The following GPM6A variants were observed in gnomAD, a reference collection of about 807,000 sequenced individuals.
GPM6A encodes glycoprotein M6A.
GPM6A carries 7 observed loss-of-function variants against 32.1 expected under a neutral mutation model. The ratio of observed to expected loss-of-function variants is 0.22; its 90% CI spans 0.12 to 0.41. The LOEUF is 0.41. Ranked by LOEUF, GPM6A falls within the 10% of genes least tolerant of loss-of-function variation. GPM6A has a pLI of 1.00. For synonymous variants in GPM6A, 130 were observed against 123.4 expected, an observed-to-expected ratio of 1.05 and a Z score of -0.35; for missense variants, 235 against 347.2, an observed-to-expected ratio of 0.68 and a Z score of 2.57.
intron 1 of GPM6A, chr4:175,807,565 A>G (rs1734743078): frequency 6.6e-6 from 1 of 152,246 alleles, no homozygotes; most frequent in Admixed American, 6.5e-5. Context: ...CCCCGTTCTC[A>G]AGAAAGAAGG....
At chr4:175,972,747 G>A (rs1381825849) in intron 1 of GPM6A, among the ~76,000 whole-genome samples, 5 of 152,166 alleles carry the variant, frequency 3.3e-5, no homozygotes, top group Non-Finnish European at 4.4e-5. Flanking sequence ...TTAGTGGTTC[G>A]AAACACTCCT....
intron 1 of GPM6A, among the ~76,000 whole-genome samples, chr4:175,866,054 T>G (rs551295173): frequency 1.8e-4 from 28 of 152,346 alleles, no homozygotes; most frequent in Non-Finnish European, 2.9e-4. Flanking sequence ...GTTTAAGTCT[T>G]TCACAGAATT....
At chr4:175,713,863 T>C (rs1282271203) in intron 1 of GPM6A, among the ~76,000 whole-genome samples, 1 of 152,232 alleles carries the variant, frequency 6.6e-6, no homozygotes, top group Non-Finnish European at 1.5e-5. Context: ...TAGCGGTTGT[T>C]GGTTTTCCTT....
intron 2 of GPM6A, among the ~76,000 whole-genome samples, chr4:175,685,535 T>C (rs1169835864): frequency 6.6e-6 from 1 of 152,210 alleles, no homozygotes; most frequent in African/African-American, 2.4e-5. Context: ...TTTTATATCC[T>C]ACTATGTTGC....
intron 1 of GPM6A, among the ~76,000 whole-genome samples, chr4:175,747,817 T>C (rs1311174235): frequency 6.6e-6 from 1 of 152,116 alleles, no homozygotes. Context: ...TAACTATTCC[T>C]TTCACAAAAG....
At chr4:175,767,421 G>A (rs1385147448) in intron 1 of GPM6A, among the ~76,000 whole-genome samples, 1 of 152,182 alleles carries the variant, frequency 6.6e-6, no homozygotes, top group Non-Finnish European at 1.5e-5. Context: ...ACTATGTACA[G>A]CAAATCTTTG....
chr4:175,691,705 A>G (rs1744308515), intron 2 of GPM6A, among the ~76,000 whole-genome samples: 2 of 152,212 alleles, frequency 1.3e-5, no homozygotes, highest in South Asian at 4.1e-4. Flanking sequence ...AGTGATGCTC[A>G]CATCATTATC....
At chr4:175,725,996 T>C (rs866219218) in intron 1 of GPM6A, among the ~76,000 whole-genome samples, 17 of 146,132 alleles carry the variant, frequency 1.2e-4, no homozygotes, top group South Asian at 1.1e-3. Context: ...GTTTCTTCTT[T>C]TTTTTTTTTT....
At chr4:175,793,924 A>G (rs1467622955) in intron 1 of GPM6A, among the ~76,000 whole-genome samples, 1 of 152,188 alleles carries the variant, frequency 6.6e-6, no homozygotes, top group Non-Finnish European at 1.5e-5. Context: ...ATTTATCCTA[A>G]TTAGTCTTTT....
chr4:175,904,910 T>C (rs1738082955), intron 1 of GPM6A, among the ~76,000 whole-genome samples: 1 of 152,164 alleles, frequency 6.6e-6, no homozygotes, highest in South Asian at 2.1e-4. Context: ...ACCAGACGGA[T>C]ATTGTAAGAA....
At chr4:175,846,778 T>TTATATTAA (rs1736099871) in intron 1 of GPM6A, among the ~76,000 whole-genome samples, 1 of 152,148 alleles carries the variant, frequency 6.6e-6, no homozygotes, top group Non-Finnish European at 1.5e-5. Flanking sequence ...AGATATAGAA[T>TTATATTAA]GTAGCAATTA....
At chr4:175,810,003 C>G (rs981761840) in intron 1 of GPM6A, among the ~76,000 whole-genome samples, 1 of 152,136 alleles carries the variant, frequency 6.6e-6, no homozygotes, top group Non-Finnish European at 1.5e-5. Flanking sequence ...GAAGAAAACT[C>G]TGTGCTATTT....
intron 3 of GPM6A, among the ~76,000 whole-genome samples, chr4:175,673,070 A>G (rs577578961): frequency 6.6e-6 from 1 of 152,290 alleles, no homozygotes; most frequent in South Asian, 2.1e-4. Context: ...TTCATTCTAG[A>G]AAAATTATTC....
At chr4:175,967,656 A>G (rs751904572) in intron 1 of GPM6A, among the ~76,000 whole-genome samples, 1 of 152,222 alleles carries the variant, frequency 6.6e-6, no homozygotes, top group South Asian at 2.1e-4. Flanking sequence ...AATAAAAAAC[A>G]AAATGTCATT....
At position 175,924,136 on chromosome 4, in the gene GPM6A, C is replaced by T. The variant is rs186437280; in HGVS notation, c.-23+78173G>A. ...GTTTCTGACACGACCATATTAGTAGCGTGTGGGAATCTTATGCAACAATTA... is the reference window on the plus strand; with the variant it reads ...GTTTCTGACACGACCATATTAGTAGTGTGTGGGAATCTTATGCAACAATTA... On this transcript the variant is annotated intron_variant, in intron 1 of 7. Transcript: ENST00000280187. Among the ~76,000 whole-genome samples the T allele has an allele frequency of 2.7e-3, 409 of 152,244 alleles. 4 individuals are homozygous for T. The highest frequency in any genetic ancestry group is 9.1e-3 in the African/African-American group (377 of 41,540).
intron 1 of GPM6A, among the ~76,000 whole-genome samples, chr4:175,735,867 G>A (rs1435991652): frequency 6.6e-6 from 1 of 151,860 alleles, no homozygotes; most frequent in Non-Finnish European, 1.5e-5. Context: ...GTCTATTTAT[G>A]AATCTTAAAA....
At chr4:175,918,069 A>T (rs1235243979) in intron 1 of GPM6A, among the ~76,000 whole-genome samples, 1 of 152,060 alleles carries the variant, frequency 6.6e-6, no homozygotes, top group Non-Finnish European at 1.5e-5. Context: ...TATTATATAA[A>T]TCTTGATTCC....
At chr4:175,739,104 C>A (rs913411203) in intron 1 of GPM6A, among the ~76,000 whole-genome samples, 26 of 152,152 alleles carry the variant, frequency 1.7e-4, no homozygotes, top group African/African-American at 6.3e-4. Flanking sequence ...CTGTGCCTGA[C>A]AAGGTGTTGA....
chr4:175,705,777 G>T (rs2111076251), intron 1 of GPM6A, among the ~76,000 whole-genome samples: 1 of 152,284 alleles, frequency 6.6e-6, no homozygotes, highest in Non-Finnish European at 1.5e-5. Context: ...GAATATTAGT[G>T]AAGGCATAGG....
Sources: allele counts gnomAD v4.1 joint callset (sites outside exome capture counted in the v4.1 genomes callset), GRCh38; gene constraint gnomAD v4.1.1; transcripts MANE v1.5; gene names NCBI Gene and HGNC (gene_info 2026-07-23, HGNC 2026-07-21).